Variants in PEX5L observed in about 807,000 individuals in gnomAD.
PEX5L encodes the protein peroxisomal biogenesis factor 5 like.
PEX5L carries 30 observed loss-of-function variants against 84.0 expected under a neutral mutation model. That is an observed-to-expected ratio of 0.36 (90% confidence interval 0.27 to 0.48). PEX5L has a LOEUF of 0.48. Among genes scored for constraint, PEX5L ranks in the 20% least tolerant of loss-of-function variants. The pLI is 0.99. For synonymous variants in PEX5L, 270 were observed against 283.1 expected, an observed-to-expected ratio of 0.95 and a Z score of 0.46; for missense variants, 533 against 754.6, an observed-to-expected ratio of 0.71 and a Z score of 3.44.
chr3:179,902,316 T>G (rs1013837037), intron 2 of PEX5L, among the ~76,000 whole-genome samples: 1 of 152,204 alleles, frequency 6.6e-6, no homozygotes, highest in Non-Finnish European at 1.5e-5. Flanking sequence ...TTAGTGAGGC[T>G]GGAGGGCTCT....
rs956235043 is a variant in PEX5L at position 180,036,890 on chromosome 3, G to A, written c.-291C>T. ...TGCAGGCGCGGGTCCTGCTCGCGGG[G>A]CGTCTCTAGAACTCACTCCTTCTTC... is the stretch of plus-strand genomic sequence containing the variant. On this transcript the variant is annotated 5_prime_UTR_variant, in exon 1 of 15. Coordinates refer to ENST00000467460, the MANE Select transcript of PEX5L (RefSeq NM_016559.3). The A allele has an allele frequency of 3.9e-6, 2 of 519,120 alleles. No homozygotes were observed. Among genetic ancestry groups the A allele is most frequent in the Non-Finnish European group, 7.0e-6 (2 of 284,846 alleles). 32.2% of individuals were successfully genotyped at this position (519,120 alleles called of 1,614,324 possible).
chr3:179,942,090 G>T (rs1290526178), intron 2 of PEX5L, among the ~76,000 whole-genome samples: 1 of 151,820 alleles, frequency 6.6e-6, no homozygotes, highest in African/African-American at 2.4e-5. Flanking sequence ...TGGAGGAAGA[G>T]GATCTGGATT....
At chr3:179,870,655 C>T (rs1749987332) in intron 7 of PEX5L, among the ~76,000 whole-genome samples, 1 of 152,190 alleles carries the variant, frequency 6.6e-6, no homozygotes, top group Non-Finnish European at 1.5e-5. Context: ...CCATCATTCC[C>T]TACTTCCCTC....
At chr3:179,970,307 T>C (rs1784402827) in intron 2 of PEX5L, among the ~76,000 whole-genome samples, 1 of 152,098 alleles carries the variant, frequency 6.6e-6, no homozygotes, top group African/African-American at 2.4e-5. Context: ...AATCCCAGTC[T>C]ATGGGTGGGA....
At chr3:179,969,340 TATAG>T (rs1237265593) in intron 2 of PEX5L, among the ~76,000 whole-genome samples, 2 of 152,034 alleles carry the variant, frequency 1.3e-5, no homozygotes, top group African/African-American at 4.8e-5. Flanking sequence ...CATATAATGC[TATAG>T]AGTTTTAATT....
chr3:179,836,114 C>T (rs1012153685), intron 8 of PEX5L, among the ~76,000 whole-genome samples: 3 of 152,176 alleles, frequency 2.0e-5, no homozygotes, highest in Non-Finnish European at 4.4e-5. Flanking sequence ...TTTCCCCTTA[C>T]ATTTACATGT....
At chr3:179,916,202 C>T (rs1209415798) in intron 2 of PEX5L, among the ~76,000 whole-genome samples, 1 of 152,110 alleles carries the variant, frequency 6.6e-6, no homozygotes, top group Non-Finnish European at 1.5e-5. Flanking sequence ...CACTATTAAA[C>T]AATTTGATTG....
chr3:179,811,839 C>T lies in PEX5L; in HGVS notation c.1116G>A (p.Glu372=), dbSNP rs753753335. 16 of 1,613,968 alleles carry T rather than the reference C, an allele frequency of 9.9e-6. No individual in the cohort carries two copies. Among genetic ancestry groups the T allele is most frequent in the Middle Eastern group, 1.6e-4 (1 of 6,084 alleles). ...CAATAGCTGCTTGTTCATTTTCATT[C>T]TCCGCCTGGGTTATCCCGAGGAACT... ...AWQFLGITQA[E]NENEQAAIVA... is the part of the protein sequence containing the mutation. The change falls in exon 11 of 15, where the codon GAG becomes GAA. Residue 372 remains glutamate (E), a synonymous_variant. Transcript: ENST00000467460.
Position 179,874,316 on chromosome 3 carries a change from A to C in PEX5L, c.726+11T>G. 1 of 1,498,836 alleles carries C rather than the reference A, an allele frequency of 6.7e-7. No individual in the cohort carries two copies. Among genetic ancestry groups the C allele is most frequent in the South Asian group, 1.1e-5 (1 of 88,370 alleles). 92.8% of individuals were successfully genotyped at this position (1,498,836 alleles called of 1,614,324 possible). A position where few individuals can be genotyped will look rare whatever the true frequency, so the allele number is the denominator to read the frequency against. ...GGAAAGATGTGTTCATTGAATAATCAGTTTTGTTACCTGAGTCGGAGCCAC... is the reference window on the plus strand; with the variant it reads ...GGAAAGATGTGTTCATTGAATAATCCGTTTTGTTACCTGAGTCGGAGCCAC... On this transcript the variant is annotated intron_variant, in intron 7 of 14. Transcript: ENST00000467460.
At position 179,805,146 on chromosome 3, in the gene PEX5L, C is replaced by CTT. The variant is rs777171015; in HGVS notation, c.1676+2526_1676+2527dup. ...AAAAAATTACGTCTCACTCGATGGTCTTTTTTTTTTTTTTTTTTTTTTTCA... is the reference window on the plus strand; with the variant it reads ...AAAAAATTACGTCTCACTCGATGGTCTTTTTTTTTTTTTTTTTTTTTTTTTCA... On this transcript the variant is annotated intron_variant, in intron 14 of 14. Coordinates refer to ENST00000467460, the MANE Select transcript of PEX5L (RefSeq NM_016559.3). Among the ~76,000 whole-genome samples the CTT allele has an allele frequency of 2.7e-3, 230 of 86,424 alleles. 2 individuals are homozygous for CTT. The highest frequency in any genetic ancestry group is 6.5e-3 in the African/African-American group (163 of 25,056). 56.7% of individuals were successfully genotyped at this position (86,424 alleles called of 152,430 possible).
intron 4 of PEX5L, among the ~76,000 whole-genome samples, chr3:179,881,974 A>G (rs1754301289): frequency 6.6e-6 from 1 of 152,072 alleles, no homozygotes; most frequent in Admixed American, 6.5e-5. Context: ...TATGTCTAAA[A>G]TGTAAGCATG....
At chr3:179,981,948 G>A (rs1786371905) in intron 1 of PEX5L, among the ~76,000 whole-genome samples, 1 of 152,068 alleles carries the variant, frequency 6.6e-6, no homozygotes, top group African/African-American at 2.4e-5. Flanking sequence ...AACTGCCCAG[G>A]GAGTATAAAA....
intron 2 of PEX5L, among the ~76,000 whole-genome samples, chr3:179,940,859 T>C (rs1479271935): frequency 2.0e-5 from 3 of 152,182 alleles, no homozygotes; most frequent in Admixed American, 2.0e-4. Context: ...AAAAGAGAAA[T>C]AAGTGACCTT....
At chr3:179,845,985 C>A (rs751272970) in intron 8 of PEX5L, among the ~76,000 whole-genome samples, 8 of 152,134 alleles carry the variant, frequency 5.3e-5, no homozygotes, top group Non-Finnish European at 5.9e-5. Context: ...GCCTGGCCAA[C>A]ATGGTAAAAT....
At chr3:179,978,486 C>T (rs1428637162) in intron 1 of PEX5L, among the ~76,000 whole-genome samples, 1 of 152,002 alleles carries the variant, frequency 6.6e-6, no homozygotes, top group Non-Finnish European at 1.5e-5. Flanking sequence ...TACAGAGAGA[C>T]CCTGTGTACT....
At chr3:179,955,040 C>G (rs1406295741) in intron 2 of PEX5L, among the ~76,000 whole-genome samples, 1 of 152,096 alleles carries the variant, frequency 6.6e-6, no homozygotes, top group Admixed American at 6.6e-5. Flanking sequence ...TTTCTCTTCA[C>G]TCCCCCTTTC....
At chr3:179,986,502 A>T (rs1185944221) in intron 1 of PEX5L, among the ~76,000 whole-genome samples, 2 of 147,558 alleles carry the variant, frequency 1.4e-5, no homozygotes, top group Non-Finnish European at 3.0e-5. Context: ...TCCCGGGTTC[A>T]CGCCATTCTC....
rs1433482372 is a variant in PEX5L, at chr3:179,874,367, G to C, written c.686C>G (p.Ser229Cys). 1 of 1,612,894 alleles carries C rather than the reference G, an allele frequency of 6.2e-7. No homozygotes were observed. The highest frequency in any genetic ancestry group is 8.5e-7 in the Non-Finnish European group (1 of 1,179,324). ...TAATTCCAATTCTGAAGCCGACTCA[G>C]AGTTGAGGGCGCTTTTTCCACCACT... ...ELSGGKSALN[S>C]ESASELELVA... Residue 229 changes from serine to cysteine, a missense_variant, in exon 7 of 15, where the codon TCT becomes TGT. Around this residue, in one of 8 missense-constraint regions of PEX5L, gnomAD observed 259 missense variants for 301.7 expected, o/e 0.86. Transcript: ENST00000467460.
At chr3:179,818,848 CTT>C (rs78348936) in intron 9 of PEX5L, among the ~76,000 whole-genome samples, 37 of 102,914 alleles carry the variant, frequency 3.6e-4, no homozygotes, top group South Asian at 1.0e-3. Flanking sequence ...CTTTTCTTTT[CTT>C]TTTTTTTTTT....
Sources: gnomAD v4.1 joint callset for allele counts (sites outside exome capture counted in the v4.1 genomes callset) on GRCh38, gnomAD v4.1.1 for gene constraint, gnomAD v4.1.1 regional missense constraint, MANE v1.5 for transcripts, NCBI Gene and HGNC (gene_info 2026-07-23, HGNC 2026-07-21) for gene names.